The following STK10 variants were observed in gnomAD, a reference collection of about 807,000 sequenced individuals.
STK10 encodes serine/threonine kinase 10.
STK10 carries 78 observed loss-of-function variants against 113.8 expected under a neutral mutation model. The observed-to-expected ratio is 0.69, with a 90% CI of 0.57 to 0.83. STK10 has a LOEUF of 0.83. Ranked by LOEUF, STK10 falls within the 40% of genes least tolerant of loss-of-function variation. The pLI is 0.00. For missense variants in STK10, 1,109 were observed against 1,280.1 expected (o/e 0.87, Z 2.04); for synonymous variants, 465 against 494.7 (o/e 0.94, Z 0.80).
chr5:172,164,211 T>TA (rs57573746), intron 1 of STK10, among the ~76,000 whole-genome samples: 9,846 of 84,454 alleles, frequency 0.12, 744 homozygotes, highest in African/African-American at 0.2. Flanking sequence ...AAACTCCATC[T>TA]AAAAAAAAAA....
chr5:172,114,312 GTGTA>G (rs1381437694), intron 4 of STK10, among the ~76,000 whole-genome samples: 2,530 of 137,440 alleles, frequency 0.018, 85 homozygotes, highest in African/African-American at 0.079. Context: ...GTGTGTGTGT[GTGTA>G]TGTGTGTTTT....
intron 1 of STK10, among the ~76,000 whole-genome samples, chr5:172,184,608 G>T (rs1002650378): frequency 6.6e-6 from 1 of 152,082 alleles, no homozygotes; most frequent in Non-Finnish European, 1.5e-5. Context: ...GAGGGCTGTG[G>T]TGGAGACAGC....
At chr5:172,137,442 G>C (rs952353435) in intron 2 of STK10, among the ~76,000 whole-genome samples, 1 of 151,866 alleles carries the variant, frequency 6.6e-6, no homozygotes, top group African/African-American at 2.4e-5. Context: ...TTAACACGAT[G>C]AAAGGAGATA....
chr5:172,078,094 T>A (rs1344976496), intron 12 of STK10, among the ~76,000 whole-genome samples: 1 of 152,184 alleles, frequency 6.6e-6, no homozygotes, highest in African/African-American at 2.4e-5. Context: ...TACTTGGAAT[T>A]CCTACTTCCT....
At chr5:172,136,496 C>G (rs917021213) in intron 2 of STK10, among the ~76,000 whole-genome samples, 34 of 152,138 alleles carry the variant, frequency 2.2e-4, no homozygotes, top group Non-Finnish European at 4.7e-4. Context: ...ACTCGGGAGG[C>G]TGAGGCAGGA....
At chr5:172,182,500 C>T (rs903952732) in intron 1 of STK10, among the ~76,000 whole-genome samples, 1 of 151,078 alleles carries the variant, frequency 6.6e-6, no homozygotes, top group African/African-American at 2.4e-5. Flanking sequence ...CCTCCCACCT[C>T]AGCCTCCTGA....
intron 2 of STK10, among the ~76,000 whole-genome samples, chr5:172,150,079 C>T (rs2113810294): frequency 6.7e-6 from 1 of 149,924 alleles, no homozygotes; most frequent in South Asian, 2.1e-4. Flanking sequence ...AAAGAAAGAC[C>T]TCCTTGGGAT....
chr5:172,117,648 C>T lies in STK10; in HGVS notation c.371-18G>A, dbSNP rs201797853. 7.1e-5 allele frequency: 115 copies of T among 1,613,506 alleles called. 1 individual carries two copies. In the East Asian group the frequency reaches 1.3e-3, roughly 18 times the overall value. On this transcript the variant is annotated intron_variant, in intron 3 of 18. Transcript: ENST00000176763. ...GTCCAGCTCTGGAAATGGAGGAGAA[C>T]GGCTGTCAATTCAGTAAGCCCTGGA...
At chr5:172,126,402 T>C (rs1769619984) in intron 3 of STK10, among the ~76,000 whole-genome samples, 1 of 152,068 alleles carries the variant, frequency 6.6e-6, no homozygotes, top group Admixed American at 6.6e-5. Flanking sequence ...CCATCACTAC[T>C]AACATACAAA....
intron 3 of STK10, among the ~76,000 whole-genome samples, chr5:172,123,393 C>A (rs1191122483): frequency 6.6e-6 from 1 of 152,294 alleles, no homozygotes; most frequent in East Asian, 1.9e-4. Context: ...ACGAGGAGAA[C>A]TGGGACGGGA....
intron 3 of STK10, among the ~76,000 whole-genome samples, chr5:172,125,184 T>C (rs1769593796): frequency 6.6e-6 from 1 of 152,218 alleles, no homozygotes. Context: ...ATCCTGGCTC[T>C]TTCGGCATCT....
At chr5:172,174,990 G>A (rs945002544) in intron 1 of STK10, among the ~76,000 whole-genome samples, 4 of 152,158 alleles carry the variant, frequency 2.6e-5, no homozygotes, top group African/African-American at 9.7e-5. Context: ...CTCTGGTATA[G>A]CCTGTTTTTT....
rs878935052 is a variant in STK10 at position 172,107,721 on chromosome 5, G to T, written c.593+59C>A. Reference sequence around the variant, plus strand: ...CCCTCTCTGTCTAAAGCGCCTGGTGGTCACCTTGGAGAGTTTTTACATCCA... The same window carrying T: ...CCCTCTCTGTCTAAAGCGCCTGGTGTTCACCTTGGAGAGTTTTTACATCCA... On this transcript the variant is annotated intron_variant, in intron 5 of 18. Coordinates refer to ENST00000176763, the MANE Select transcript of STK10 (RefSeq NM_005990.4). 1.9e-6 allele frequency: 3 copies of T among 1,563,000 alleles called. No individual in the cohort carries two copies. The Admixed American group carries it at 5.1e-5, about 27-fold the overall frequency.
At chr5:172,140,432 C>T (rs1769950453) in intron 2 of STK10, among the ~76,000 whole-genome samples, 1 of 152,204 alleles carries the variant, frequency 6.6e-6, no homozygotes, top group Non-Finnish European at 1.5e-5. Flanking sequence ...TGTGGTGGTG[C>T]ATGCCTGTAA....
chr5:172,062,377 T>C (rs1767956176), intron 13 of STK10, among the ~76,000 whole-genome samples: 1 of 152,210 alleles, frequency 6.6e-6, no homozygotes, highest in African/African-American at 2.4e-5. Context: ...TCTATACAAG[T>C]GTATCTATAG....
In STK10 at chr5:172,127,391, C is replaced by A; in HGVS notation, c.352G>T (p.Val118Leu). Residue 118 changes from valine to leucine, a missense_variant, in exon 3 of 19, where the codon GTG (valine) becomes TTG (leucine). Coordinates refer to ENST00000176763, the MANE Select transcript of STK10 (RefSeq NM_005990.4). ...GACTCACCCAGCATGATGGCGTCCACGGCTCCCCCTGGACAGAACTCAATC... is the reference window on the plus strand; with the variant it reads ...GACTCACCCAGCATGATGGCGTCCAAGGCTCCCCCTGGACAGAACTCAATC... ...IMIEFCPGGA[V>L]DAIMLELDRG... The A allele has an allele frequency of 6.2e-7, 1 of 1,613,834 alleles. No homozygotes were observed. Among genetic ancestry groups the A allele is most frequent in the Non-Finnish European group, 8.5e-7 (1 of 1,179,812 alleles).
intron 9 of STK10, among the ~76,000 whole-genome samples, chr5:172,090,691 C>A (rs1406591229): frequency 6.6e-6 from 1 of 152,008 alleles, no homozygotes; most frequent in African/African-American, 2.4e-5. Flanking sequence ...AATCCCAGCA[C>A]TTTGGGAGGC....
chr5:172,047,127 A>C (rs1312751253), intron 18 of STK10, among the ~76,000 whole-genome samples: 2 of 152,224 alleles, frequency 1.3e-5, no homozygotes, highest in Non-Finnish European at 2.9e-5. Flanking sequence ...GTAATGCAAG[A>C]ATGTAAAAGA....
In STK10 at chr5:172,120,787, G is replaced by T. The variant is rs1453901395; in HGVS notation, c.371-3157C>A. Among the ~76,000 whole-genome samples, 1 of 152,084 alleles carries T rather than the reference G, an allele frequency of 6.6e-6. No individual in the cohort carries two copies. The highest frequency in any genetic ancestry group is 6.6e-5 in the Admixed American group (1 of 15,264). On this transcript the variant is annotated intron_variant, in intron 3 of 18. Transcript: ENST00000176763. The surrounding 1 kb of genome is among the most constrained non-coding windows in gnomAD (Gnocchi z 4.0). The stretch of plus-strand genomic sequence containing the variant: ...AATATGTGCCGCAATCTTTTTAATG[G>T]CAAAAATGTGTCTTGCTCATGTCTA...
Sources: gnomAD v4.1 joint callset for allele counts (sites outside exome capture counted in the v4.1 genomes callset) on GRCh38, gnomAD v4.1.1 for gene constraint, Gnocchi (gnomAD v3.1) non-coding constraint, MANE v1.5 for transcripts, NCBI Gene and HGNC (gene_info 2026-07-23, HGNC 2026-07-21) for gene names.